The following XKR4 variants were observed in gnomAD, a reference collection of about 807,000 sequenced individuals.
XKR4 encodes the protein XK related 4.
In XKR4, 12 loss-of-function variants were observed where a neutral mutation model predicts 53.9. That is an observed-to-expected ratio of 0.22 (90% CI 0.14 to 0.36). The LOEUF is 0.36. Among genes scored for constraint, XKR4 ranks in the 10% least tolerant of loss-of-function variants. The probability of loss-of-function intolerance (pLI) is 1.00; values close to 1 mark genes in which losing one functional copy is unlikely to be tolerated. For synonymous variants in XKR4, 354 were observed against 362.4 expected (o/e 0.98, Z 0.26); for missense variants, 799 against 859.5 (o/e 0.93, Z 0.88).
intron 1 of XKR4, among the ~76,000 whole-genome samples, chr8:55,149,752 T>C (rs1001026895): frequency 6.6e-6 from 1 of 152,204 alleles, no homozygotes; most frequent in Non-Finnish European, 1.5e-5. Context: ...TTGAGTCTAG[T>C]TGTTTGTTAA....
chr8:55,274,404 T>A lies in XKR4; in HGVS notation c.807-83274T>A, dbSNP rs79226019. Among the ~76,000 whole-genome samples the A allele has an allele frequency of 3.6e-3, 555 of 152,220 alleles. 5 individuals are homozygous for A. Among genetic ancestry groups the A allele is most frequent in the African/African-American group, 0.012 (502 of 41,524 alleles). ...ATATGGTCATCTCTGTGTGTGCATA[T>A]TTGTTGAATATATCTGTGGGTCCAA... On this transcript the variant is annotated intron_variant, in intron 1 of 2. Coordinates refer to ENST00000327381, the MANE Select transcript of XKR4 (RefSeq NM_052898.2).
At chr8:55,510,841 C>T (rs1373070927) in intron 2 of XKR4, among the ~76,000 whole-genome samples, 1 of 152,196 alleles carries the variant, frequency 6.6e-6, no homozygotes, top group East Asian at 1.9e-4. Context: ...CTAAGAGTTG[C>T]AGGAGCAATG....
chr8:55,485,003 C>A (rs1806171516), intron 2 of XKR4, among the ~76,000 whole-genome samples: 1 of 152,182 alleles, frequency 6.6e-6, no homozygotes, highest in African/African-American at 2.4e-5. Flanking sequence ...TCTGGAGAAT[C>A]CTCTCTAACA....
At chr8:55,256,639 G>A (rs981622473) in intron 1 of XKR4, among the ~76,000 whole-genome samples, 2 of 152,166 alleles carry the variant, frequency 1.3e-5, no homozygotes, top group African/African-American at 4.8e-5. Context: ...TGGAGGAATG[G>A]GATTTCAGAG....
intron 2 of XKR4, among the ~76,000 whole-genome samples, chr8:55,414,100 G>A (rs1487554223): frequency 6.6e-6 from 1 of 152,082 alleles, no homozygotes; most frequent in Non-Finnish European, 1.5e-5. Context: ...AGGTTTAACT[G>A]TGTCTTCTAC....
intron 2 of XKR4, among the ~76,000 whole-genome samples, chr8:55,428,249 G>A (rs1055726911): frequency 5.9e-5 from 9 of 152,062 alleles, no homozygotes; most frequent in Non-Finnish European, 8.8e-5. Flanking sequence ...GACTTTTGGC[G>A]CCCAATGATC....
In XKR4 at chr8:55,497,922, C is replaced by T. The variant is rs111656403; in HGVS notation, c.1007-25359C>T. Among the ~76,000 whole-genome samples, 1,506 of 152,194 alleles carry T rather than the reference C, an allele frequency of 9.9e-3. 11 individuals carry two copies. The highest frequency in any genetic ancestry group is 0.024 in the Middle Eastern group (7 of 294). ...CCTGCAAGACCCTACACCAGTGGCC[C>T]GGGATCTCCCAGACTCAGATCCCCA... is the stretch of plus-strand genomic sequence containing the variant. On this transcript the variant is annotated intron_variant, in intron 2 of 2. Coordinates refer to ENST00000327381, the MANE Select transcript of XKR4 (RefSeq NM_052898.2).
At chr8:55,279,356 A>G (rs1818805771) in intron 1 of XKR4, among the ~76,000 whole-genome samples, 1 of 152,186 alleles carries the variant, frequency 6.6e-6, no homozygotes, top group Non-Finnish European at 1.5e-5. Flanking sequence ...CCCACAGTGT[A>G]TCTGTAAATT....
At chr8:55,352,502 G>A (rs188737407) in intron 1 of XKR4, among the ~76,000 whole-genome samples, 190 of 152,348 alleles carry the variant, frequency 1.2e-3, no homozygotes, top group African/African-American at 4.5e-3. Context: ...TGAGGTTTGG[G>A]TGATGGAAAT....
chr8:55,109,202 G>A (rs1386727351), intron 1 of XKR4, among the ~76,000 whole-genome samples: 1 of 152,136 alleles, frequency 6.6e-6, no homozygotes, highest in African/African-American at 2.4e-5. Flanking sequence ...GAGTGTCGAA[G>A]CATAGTCAGG....
At position 55,532,945 on chromosome 8, in the gene XKR4, A is replaced by T. The variant is rs1288307927; in HGVS notation, c.*8718A>T. 6.6e-6 allele frequency: 1 copy of T among 152,126 alleles called. No individual in the cohort carries two copies. The highest frequency in any genetic ancestry group is 6.5e-5 in the Admixed American group (1 of 15,274). 9.4% of individuals were successfully genotyped at this position (152,126 alleles called of 1,614,324 possible). ...GATTTAATCAAATTATTACTTAAGT[A>T]CTACAAATGTTATCAGATGGAGATG... On this transcript the variant is annotated 3_prime_UTR_variant, in exon 3 of 3. Transcript: ENST00000327381.
intron 1 of XKR4, among the ~76,000 whole-genome samples, chr8:55,260,867 TC>T (rs1023542988): frequency 2.0e-5 from 3 of 152,200 alleles, no homozygotes; most frequent in Admixed American, 1.3e-4. Flanking sequence ...ACATGCCTGG[TC>T]CCAGGTAGCC....
intron 2 of XKR4, among the ~76,000 whole-genome samples, chr8:55,362,407 G>A (rs143023951): frequency 2.7e-3 from 417 of 152,286 alleles, no homozygotes; most frequent in African/African-American, 7.9e-3. Context: ...AAAAGAGACC[G>A]AAGCTTGAGT....
intron 2 of XKR4, among the ~76,000 whole-genome samples, chr8:55,404,181 C>T (rs2622542): frequency 6.6e-6 from 1 of 152,078 alleles, no homozygotes; most frequent in East Asian, 1.9e-4. Context: ...GTTAACATTA[C>T]GAGGGATAAA....
In XKR4 at chr8:55,536,322, CCTGA is replaced by C. The variant is rs1205943396; in HGVS notation, c.*12098_*12101del. On this transcript the variant is annotated 3_prime_UTR_variant, in exon 3 of 3. Coordinates refer to ENST00000327381, the MANE Select transcript of XKR4 (RefSeq NM_052898.2). ...TAGCCCTCAAGCTCTGATTCTTCCT[CCTGA>C]CTAAGTTTCTTTTCTTTGGGGGGCT... 5.3e-5 allele frequency: 8 copies of C among 152,208 alleles called. No individual in the cohort carries two copies. The highest frequency in any genetic ancestry group is 7.3e-5 in the Non-Finnish European group (5 of 68,034). The allele number at this position is 152,208 out of a possible 1,614,324, so 9.4% of individuals were successfully genotyped here. A position where few individuals can be genotyped will look rare whatever the true frequency, so the allele number is the denominator to read the frequency against.
intron 1 of XKR4, chr8:55,164,324 G>C (rs1282177077): frequency 4.4e-6 from 2 of 455,124 alleles, no homozygotes; most frequent in African/African-American, 4.0e-5. Flanking sequence ...ATTGCTATTT[G>C]GAGGGTGAGA....
chr8:55,108,990 G>A (rs142166162), intron 1 of XKR4, among the ~76,000 whole-genome samples: 201 of 152,262 alleles, frequency 1.3e-3, no homozygotes, highest in Non-Finnish European at 2.4e-3. Flanking sequence ...AGAGAAGCCC[G>A]AAAACTTGAG....
intron 1 of XKR4, among the ~76,000 whole-genome samples, chr8:55,344,903 T>C (rs182605800): frequency 3.2e-4 from 48 of 152,374 alleles, no homozygotes; most frequent in Non-Finnish European, 4.0e-4. Context: ...ATGAGAGATA[T>C]GTATAAAATT....
intron 1 of XKR4, among the ~76,000 whole-genome samples, chr8:55,268,178 T>G (rs1447433602): frequency 6.6e-6 from 1 of 152,166 alleles, no homozygotes; most frequent in East Asian, 1.9e-4. Flanking sequence ...TTATGCTCTA[T>G]CTTCACGAGA....
Sources: allele counts gnomAD v4.1 joint callset (sites outside exome capture counted in the v4.1 genomes callset), GRCh38; gene constraint gnomAD v4.1.1; transcripts MANE v1.5; gene names NCBI Gene and HGNC (gene_info 2026-07-23, HGNC 2026-07-21).